Variants in LARS1 observed in about 807,000 individuals in gnomAD.
The protein encoded by LARS1 is leucyl-tRNA synthetase 1.
In LARS1, 100 loss-of-function variants were observed where a neutral mutation model predicts 162.8. That is an observed-to-expected ratio of 0.61 (90% CI 0.52 to 0.73). LARS1 has a LOEUF of 0.73. Ranked by LOEUF, LARS1 falls within the 30% of genes least tolerant of loss-of-function variation. The probability of loss-of-function intolerance (pLI) is 0.00; values close to 1 mark genes in which losing one functional copy is unlikely to be tolerated. For synonymous variants in LARS1, 457 were observed against 462.8 expected (o/e 0.99, Z 0.16); for missense variants, 1,258 against 1,408.9 (o/e 0.89, Z 1.71).
chr5:146,181,458 T>C (rs1045046220), intron 1 of LARS1, among the ~76,000 whole-genome samples: 1 of 152,198 alleles, frequency 6.6e-6, no homozygotes. Flanking sequence ...GAAGGATCGC[T>C]TGACCCCAGG....
Position 146,120,381 on chromosome 5 carries a change from T to G in LARS1, c.3315A>C (p.Arg1105=), listed in dbSNP as rs752349767. ...SIIRRLMKMN[R]GIKDLSKVKL... ...TGGGGAACAACTTACCTTTAATTCC[T>G]CGATTCATTTTCATTAAACGCCTGA... The change falls in exon 31 of 32, where the codon CGA becomes CGC. Residue 1105 remains arginine (R), a synonymous_variant. Transcript: ENST00000394434. 2 of 1,613,054 alleles carry G rather than the reference T, an allele frequency of 1.2e-6. No homozygotes were observed. The highest frequency in any genetic ancestry group is 3.3e-5 in the Admixed American group (2 of 59,954).
intron 5 of LARS1, among the ~76,000 whole-genome samples, chr5:146,166,175 G>A (rs574851907): frequency 6.6e-6 from 1 of 152,124 alleles, no homozygotes; most frequent in Non-Finnish European, 1.5e-5. Context: ...TTGGAGAAGT[G>A]GTTGATTCCT....
chr5:146,120,330 T>C (rs1431800905), intron 31 of LARS1, 41 bp downstream of exon 31: 1 of 1,608,514 alleles, frequency 6.2e-7, no homozygotes, highest in East Asian at 2.2e-5. Flanking sequence ...TCACCAAATC[T>C]ACAAGCTACT....
chr5:146,175,981 C>G (rs763428701), intron 2 of LARS1, among the ~76,000 whole-genome samples: 2 of 151,878 alleles, frequency 1.3e-5, no homozygotes, highest in African/African-American at 2.4e-5. Flanking sequence ...ATAGCAAGAC[C>G]CTGTCTCTAA....
At chr5:146,157,664 G>A (rs1381842688) in intron 9 of LARS1, 36 bp from the exon 10 acceptor site, 1 of 1,612,102 alleles carries the variant, frequency 6.2e-7, no homozygotes, top group Admixed American at 1.7e-5. Flanking sequence ...GTAAAAACAT[G>A]TCAACTCTGT....
At chr5:146,122,650 A>G (rs1440669540) in intron 29 of LARS1, 63 bp from the exon 30 acceptor site, 7 of 811,248 alleles carry the variant, frequency 8.6e-6, no homozygotes, top group Admixed American at 2.1e-5. Flanking sequence ...ATTAATCATC[A>G]CCTCATTTCA....
intron 28 of LARS1, among the ~76,000 whole-genome samples, chr5:146,125,831 T>C (rs1752019893): frequency 6.6e-6 from 1 of 151,960 alleles, no homozygotes; most frequent in East Asian, 1.9e-4. Flanking sequence ...TAATTCTCAA[T>C]GGTAAGAAGT....
rs768355393 is a variant in LARS1 at position 146,144,235 on chromosome 5, T to C, written c.1738+32A>G. ...ATATTTTCTGTGTAACTGGCAAAGT[T>C]ATCCAAACAGAAAAATTTCAAGTTT... On this transcript the variant is annotated intron_variant, in intron 18 of 31. Transcript: ENST00000394434. 2.0e-6 allele frequency: 3 copies of C among 1,522,156 alleles called. No individual in the cohort carries two copies. In the African/African-American group the frequency reaches 4.2e-5, roughly 21 times the overall value. 94.3% of individuals were successfully genotyped at this position (1,522,156 alleles called of 1,614,324 possible). A position where few individuals can be genotyped will look rare whatever the true frequency, so the allele number is the denominator to read the frequency against.
intron 2 of LARS1, among the ~76,000 whole-genome samples, chr5:146,174,675 C>T (rs1011701884): frequency 6.7e-6 from 1 of 149,548 alleles, no homozygotes; most frequent in East Asian, 2.0e-4. Context: ...AAAACAAGCC[C>T]AGGCCCAGTC....
intron 18 of LARS1, among the ~76,000 whole-genome samples, chr5:146,143,921 G>A (rs898375897): frequency 6.6e-6 from 1 of 152,136 alleles, no homozygotes; most frequent in East Asian, 1.9e-4. Context: ...AGAATCGCTT[G>A]AACCCGGGAG....
At chr5:146,182,388 T>C (rs1333184104) in intron 1 of LARS1, 100 bp downstream of exon 1, 2 of 1,517,194 alleles carry the variant, frequency 1.3e-6, no homozygotes, top group Admixed American at 1.7e-5. Context: ...TGGCTCTCTT[T>C]TAGAAAAGGA....
intron 6 of LARS1, among the ~76,000 whole-genome samples, chr5:146,162,236 G>T (rs954423650): frequency 6.6e-6 from 1 of 152,174 alleles, no homozygotes; most frequent in Non-Finnish European, 1.5e-5. Flanking sequence ...ATCTATGACT[G>T]TTATAGCCTT....
At position 146,120,355 on chromosome 5, in the gene LARS1, TTG is replaced by T; in HGVS notation, c.3325+14_3325+15del. ...TACAAGCTACTGACAAATGGGAGTT[TTG>T]GGGAACAACTTACCTTTAATTCCTC... is the stretch of plus-strand genomic sequence containing the variant. On this transcript the variant is annotated intron_variant, in intron 31 of 31. Transcript: ENST00000394434. 6.2e-7 allele frequency: 1 copy of T among 1,612,534 alleles called. No homozygotes were observed. Among genetic ancestry groups the T allele is most frequent in the Non-Finnish European group, 8.5e-7 (1 of 1,178,858 alleles).
intron 2 of LARS1, among the ~76,000 whole-genome samples, chr5:146,174,012 G>A (rs1011297704): frequency 6.6e-6 from 1 of 151,842 alleles, no homozygotes; most frequent in Non-Finnish European, 1.5e-5. Flanking sequence ...AAACAAAGCA[G>A]CTTTTTCAGT....
Position 146,126,491 on chromosome 5 carries a change from T to C in LARS1, c.2935A>G (p.Met979Val). The C allele has an allele frequency of 6.2e-7, 1 of 1,612,562 alleles. No individual in the cohort carries two copies. The highest frequency in any genetic ancestry group is 1.1e-5 in the South Asian group (1 of 91,022). The part of the protein sequence containing the change: ...NKVIASELGS[M>V]PELKKYMKKV... ...TTCATGTATTTCTTCAGTTCTGGCA[T>C]ACTGCCTAGTTCACTAGCAATGACT... Residue 979 changes from methionine to valine, a missense_variant, in exon 28 of 32, where the codon ATG becomes GTG. Physicochemically the swap from Met to Val is conservative, Grantham distance 21. Transcript: ENST00000394434.
At chr5:146,155,211 C>T (rs1353494181) in intron 10 of LARS1, among the ~76,000 whole-genome samples, 2 of 152,068 alleles carry the variant, frequency 1.3e-5, no homozygotes, top group African/African-American at 2.4e-5. Flanking sequence ...GACATGAGTA[C>T]ACTAATACAT....
At chr5:146,123,394 A>G (rs17104255) in intron 29 of LARS1, among the ~76,000 whole-genome samples, 58,257 of 151,602 alleles carry the variant, frequency 0.38, 11,611 homozygotes, top group African/African-American at 0.46. Flanking sequence ...TCACAGATAT[A>G]TAAAAGCTAT....
chr5:146,133,661 G>T (rs2126437102), intron 22 of LARS1, among the ~76,000 whole-genome samples: 1 of 115,682 alleles, frequency 8.6e-6, no homozygotes, highest in East Asian at 2.6e-4. Context: ...TAAACTGTAG[G>T]ATATCCCTAC....
intron 27 of LARS1, among the ~76,000 whole-genome samples, chr5:146,127,742 A>T (rs1441976057): frequency 6.6e-6 from 1 of 152,082 alleles, no homozygotes; most frequent in Non-Finnish European, 1.5e-5. Flanking sequence ...TATCATATAT[A>T]CTCAAAGGTG....
Sources: allele counts gnomAD v4.1 joint callset (sites outside exome capture counted in the v4.1 genomes callset), GRCh38; gene constraint gnomAD v4.1.1; transcripts MANE v1.5; gene names NCBI Gene and HGNC (gene_info 2026-07-23, HGNC 2026-07-21).